The following OR56B2 variants were observed in gnomAD, a reference collection of about 807,000 sequenced individuals.
OR56B2 encodes olfactory receptor 56B2.
the OR56B2 span, among the ~76,000 whole-genome samples, chr11:5,762,883 T>C: frequency 6.6e-6 from 1 of 152,110 alleles, no homozygotes; most frequent in Admixed American, 6.6e-5. Context: ...GTTTAGGTTA[T>C]GTGTTTGGGA....
At chr11:5,767,870 G>GA in the OR56B2 span, among the ~76,000 whole-genome samples, 31 of 134,472 alleles carry the variant, frequency 2.3e-4, 6 homozygotes, top group Non-Finnish European at 2.8e-4. Flanking sequence ...TAAGTCTATA[G>GA]AAAAAAAAAG....
At chr11:5,763,731 G>C in the OR56B2 span, among the ~76,000 whole-genome samples, 2 of 140,304 alleles carry the variant, frequency 1.4e-5, 1 homozygote, top group Non-Finnish European at 3.1e-5. Flanking sequence ...AATATAAATT[G>C]AGTGCTTATT....
At chr11:5,762,099 T>G in the OR56B2 span, among the ~76,000 whole-genome samples, 1 of 152,072 alleles carries the variant, frequency 6.6e-6, no homozygotes, top group South Asian at 2.1e-4. Context: ...AAGAATAAAT[T>G]GTACAGTTTT....
the OR56B2 span, among the ~76,000 whole-genome samples, chr11:5,768,037 AC>A: frequency 5.8e-5 from 8 of 138,668 alleles, 1 homozygote; most frequent in Admixed American, 2.2e-4. Context: ...ACCCAATTGT[AC>A]GTTTTCTTTT....
At chr11:5,765,510 C>G in the OR56B2 span, 1 of 140,430 alleles carries the variant, frequency 7.1e-6, no homozygotes, top group African/African-American at 2.6e-5. Context: ...TCGACCGCTA[C>G]GATATCCATC....
At chr11:5,766,603 G>A in the OR56B2 span, 1 of 139,324 alleles carries the variant, frequency 7.2e-6, no homozygotes, top group African/African-American at 2.6e-5. Flanking sequence ...TTAATCATTA[G>A]GCAAATTCAA....
the OR56B2 span, among the ~76,000 whole-genome samples, chr11:5,764,468 ACT>A: frequency 7.2e-6 from 1 of 139,844 alleles, no homozygotes; most frequent in Non-Finnish European, 1.6e-5. Context: ...ACCACATTAA[ACT>A]CTTTCATATT....
the OR56B2 span, among the ~76,000 whole-genome samples, chr11:5,761,853 A>G: frequency 3.9e-5 from 6 of 152,162 alleles, no homozygotes; most frequent in Admixed American, 1.3e-4. Context: ...ATTATATTTC[A>G]TAGAATAGAA....
chr11:5,762,386 T>C, the OR56B2 span, among the ~76,000 whole-genome samples: 49 of 152,138 alleles, frequency 3.2e-4, no homozygotes, highest in Non-Finnish European at 5.4e-4. Context: ...TATATGAATG[T>C]CATTTGTTTT....
At chr11:5,769,032 T>C in the OR56B2 span, among the ~76,000 whole-genome samples, 1 of 139,740 alleles carries the variant, frequency 7.2e-6, no homozygotes, top group African/African-American at 2.6e-5. Context: ...ATTTTTACAC[T>C]TAATAAAAAC....
chr11:5,764,975 G>T, the OR56B2 span: 1 of 140,694 alleles, frequency 7.1e-6, no homozygotes, highest in Non-Finnish European at 1.6e-5. Context: ...TCCAATAGAT[G>T]TAAGTGACAA....
At chr11:5,761,294 G>A in the OR56B2 span, 1 of 152,168 alleles carries the variant, frequency 6.6e-6, no homozygotes, top group African/African-American at 2.4e-5. Context: ...GGAGATTTGG[G>A]AATGCCATAT....
At chr11:5,766,335 T>C in the OR56B2 span, 1 of 140,746 alleles carries the variant, frequency 7.1e-6, no homozygotes, top group African/African-American at 2.6e-5. Flanking sequence ...CCACTTGTCT[T>C]AGCTAAAACT....
At chr11:5,764,289 G>A in the OR56B2 span, among the ~76,000 whole-genome samples, 23 of 140,996 alleles carry the variant, frequency 1.6e-4, 3 homozygotes, top group East Asian at 3.1e-3. Context: ...ACTGATTTGC[G>A]TGCATGTCTA....
At chr11:5,767,881 C>T in the OR56B2 span, among the ~76,000 whole-genome samples, 4 of 137,930 alleles carry the variant, frequency 2.9e-5, no homozygotes, top group Non-Finnish European at 6.4e-5. Flanking sequence ...AAAAAAAAAG[C>T]AAATTAGTTG....
At chr11:5,768,547 T>A in the OR56B2 span, among the ~76,000 whole-genome samples, 2 of 139,978 alleles carry the variant, frequency 1.4e-5, 1 homozygote, top group Non-Finnish European at 3.2e-5. Flanking sequence ...GTAATTATTT[T>A]AAATGCAATT....
the OR56B2 span, among the ~76,000 whole-genome samples, chr11:5,768,495 T>A: frequency 7.1e-6 from 1 of 139,938 alleles, no homozygotes; most frequent in Non-Finnish European, 1.6e-5. Context: ...TGATTCCGTA[T>A]CTTTCCCTGT....
At chr11:5,765,296 G>A in the OR56B2 span, 2 of 143,826 alleles carry the variant, frequency 1.4e-5, 1 homozygote, top group African/African-American at 5.3e-5. Flanking sequence ...ACCAGCCTAT[G>A]TACTATTTCC....
At chr11:5,763,690 T>C in the OR56B2 span, among the ~76,000 whole-genome samples, 1 of 140,564 alleles carries the variant, frequency 7.1e-6, no homozygotes, top group Admixed American at 7.3e-5. Flanking sequence ...GACATAAAAC[T>C]GCTTATTTCT....
Sources: allele counts gnomAD v4.1 joint callset (sites outside exome capture counted in the v4.1 genomes callset), GRCh38; gene constraint gnomAD v4.1.1; transcripts MANE v1.5; gene names NCBI Gene and HGNC (gene_info 2026-07-23, HGNC 2026-07-21).